The following SLC26A2 variants were observed in gnomAD, a reference collection of about 807,000 sequenced individuals.
The protein encoded by SLC26A2 is solute carrier family 26 member 2.
A neutral mutation model predicts 41.1 loss-of-function variants in SLC26A2; 36 were observed. The ratio of observed to expected loss-of-function variants is 0.88; its 90% CI spans 0.67 to 1.16. The LOEUF (loss-of-function observed/expected upper bound fraction) is 1.16. Ranked by LOEUF, SLC26A2 falls within the 50% of genes most tolerant of loss-of-function variation. The pLI, the probability that SLC26A2 is intolerant of heterozygous loss-of-function variation, is 0.00. For synonymous variants in SLC26A2, 291 were observed against 311.6 expected (o/e 0.93, Z 0.70); for missense variants, 796 against 869.6 (o/e 0.92, Z 1.07).
At chr5:149,962,760 A>C (rs1754735666) in intron 1 of SLC26A2, among the ~76,000 whole-genome samples, 2 of 152,332 alleles carry the variant, frequency 1.3e-5, no homozygotes, top group Admixed American at 1.3e-4. Flanking sequence ...TGGTTTTGGC[A>C]TGTGGGGGCG....
At chr5:149,971,844 T>C (rs1754911546) in intron 1 of SLC26A2, among the ~76,000 whole-genome samples, 1 of 152,218 alleles carries the variant, frequency 6.6e-6, no homozygotes, top group Non-Finnish European at 1.5e-5. Context: ...ATGAGTGATA[T>C]AGTAAGTGAC....
intron 1 of SLC26A2, among the ~76,000 whole-genome samples, chr5:149,963,302 C>CA (rs1561810098): frequency 2.1e-5 from 3 of 145,730 alleles, no homozygotes; most frequent in African/African-American, 7.7e-5. Context: ...TTTTTTGAGA[C>CA]AGAGTCTCAC....
intron 1 of SLC26A2, among the ~76,000 whole-genome samples, chr5:149,967,957 A>G (rs1581226641): frequency 6.7e-6 from 1 of 148,298 alleles, no homozygotes; most frequent in South Asian, 2.1e-4. Flanking sequence ...AGAATCATAC[A>G]ATACTTGTCC....
rs1385924326 is a variant in SLC26A2 at position 149,980,985 on chromosome 5, TTTG to T, written c.1396_1398del (p.Leu466del). The T allele has an allele frequency of 6.2e-7, 1 of 1,614,144 alleles. No individual in the cohort carries two copies. Among genetic ancestry groups the T allele is most frequent in the African/African-American group, 1.3e-5 (1 of 75,060 alleles). On this transcript the variant is annotated inframe_deletion, in exon 3 of 3. Coordinates refer to ENST00000286298, the MANE Select transcript of SLC26A2 (RefSeq NM_000112.4). ...CTGGTGTGGTAACAGCCCTGGTTCT[TTTG>T]TTGGTCCTCCTAGTAATAGCTCCTT... is the stretch of plus-strand genomic sequence containing the variant.
rs1455118050 is a variant in SLC26A2, at chr5:149,986,388, T to C, written c.*4575T>C. 2 of 152,128 alleles carry C rather than the reference T, an allele frequency of 1.3e-5. No individual in the cohort carries two copies. Among genetic ancestry groups the C allele is most frequent in the African/African-American group, 4.8e-5 (2 of 41,428 alleles). The allele number at this position is 152,128 out of a possible 1,614,324, so 9.4% of individuals were successfully genotyped here. A position where few individuals can be genotyped will look rare whatever the true frequency, so the allele number is the denominator to read the frequency against. Reference sequence around the variant, plus strand: ...ACAAAATAATATACCAGCTGGTTTGTTATTATAGTCCGTGTATTAAAATAC... The same window carrying C: ...ACAAAATAATATACCAGCTGGTTTGCTATTATAGTCCGTGTATTAAAATAC... On this transcript the variant is annotated 3_prime_UTR_variant, in exon 3 of 3. Transcript: ENST00000286298.
chr5:149,976,618 G>T (rs575709939), intron 1 of SLC26A2, among the ~76,000 whole-genome samples: 1 of 152,022 alleles, frequency 6.6e-6, no homozygotes, highest in South Asian at 2.1e-4. Flanking sequence ...CTCTTACTCC[G>T]GTTATTAGAC....
At chr5:149,966,290 T>C (rs1754803930) in intron 1 of SLC26A2, among the ~76,000 whole-genome samples, 1 of 152,242 alleles carries the variant, frequency 6.6e-6, no homozygotes, top group Non-Finnish European at 1.5e-5. Context: ...TCAGGAAAAC[T>C]ACCACTTAAT....
At position 149,978,110 on chromosome 5, in the gene SLC26A2, T is replaced by C; in HGVS notation, c.458T>C (p.Leu153Pro). 6.2e-7 allele frequency: 1 copy of C among 1,602,834 alleles called. No individual in the cohort carries two copies. The highest frequency in any genetic ancestry group is 8.5e-7 in the Non-Finnish European group (1 of 1,173,758). The change falls in exon 2 of 3, where the codon CTC (leucine) becomes CCC (proline). Residue 153 changes from leucine (L) to proline (P), a missense_variant. By Grantham distance (98) the Leu-to-Pro change is moderately conservative (BLOSUM62 -3). Coordinates refer to ENST00000286298, the MANE Select transcript of SLC26A2 (RefSeq NM_000112.4). Reference sequence around the variant, plus strand: ...TTTTTTGCCAGCATCATTTATTTTCTCTTGGGTACCTCCCGTCACATCTCT... The same window carrying C: ...TTTTTTGCCAGCATCATTTATTTTCCCTTGGGTACCTCCCGTCACATCTCT... The part of the protein sequence containing the change: ...TSFFASIIYF[L>P]LGTSRHISVG...
Position 149,977,612 on chromosome 5 carries a change from A to G in SLC26A2, c.-25-16A>G. ...AATTACTTTATTGATGAACACTGGT[A>G]TTTTCTCTGGTGTAGGAAGCTGAAC... On this transcript the variant is annotated splice_polypyrimidine_tract_variant and intron_variant, in intron 1 of 2. Coordinates refer to ENST00000286298, the MANE Select transcript of SLC26A2 (RefSeq NM_000112.4). The G allele has an allele frequency of 1.6e-6, 2 of 1,277,088 alleles. No homozygotes were observed. Among genetic ancestry groups the G allele is most frequent in the East Asian group, 2.3e-5 (1 of 43,214 alleles). 79.1% of individuals were successfully genotyped at this position (1,277,088 alleles called of 1,614,324 possible). A position where few individuals can be genotyped will look rare whatever the true frequency, so the allele number is the denominator to read the frequency against.
chr5:149,971,795 A>G (rs961658918), intron 1 of SLC26A2, among the ~76,000 whole-genome samples: 4 of 152,248 alleles, frequency 2.6e-5, no homozygotes, highest in African/African-American at 9.6e-5. Flanking sequence ...GAATGAAATA[A>G]TATAACATCA....
At position 149,986,745 on chromosome 5, in the gene SLC26A2, A is replaced by G. The variant is rs1428488131; in HGVS notation, c.*4932A>G. ...TTGTAGATACTATGTTTGTAAGTCT[A>G]TAGCTAAGCAACTTAAGCCAAAAAG... On this transcript the variant is annotated 3_prime_UTR_variant, in exon 3 of 3. Transcript: ENST00000286298. The G allele has an allele frequency of 6.6e-6, 1 of 152,242 alleles. No individual in the cohort carries two copies. The highest frequency in any genetic ancestry group is 2.1e-4 in the South Asian group (1 of 4,836). 9.4% of individuals were successfully genotyped at this position (152,242 alleles called of 1,614,324 possible).
intron 1 of SLC26A2, among the ~76,000 whole-genome samples, chr5:149,967,977 C>CTT (rs766792282): frequency 5.7e-5 from 8 of 141,058 alleles, no homozygotes; most frequent in African/African-American, 2.1e-4. Context: ...CTTTTGTGTC[C>CTT]TTTTTTTTTT....
intron 1 of SLC26A2, among the ~76,000 whole-genome samples, chr5:149,972,157 T>C (rs1455893665): frequency 6.6e-6 from 1 of 152,238 alleles, no homozygotes; most frequent in Non-Finnish European, 1.5e-5. Context: ...CTTGAAAACT[T>C]TCTAAACAAA....
At chr5:149,963,933 T>C (rs753315816) in intron 1 of SLC26A2, among the ~76,000 whole-genome samples, 3 of 151,886 alleles carry the variant, frequency 2.0e-5, no homozygotes, top group Non-Finnish European at 4.4e-5. Flanking sequence ...TAAGGTGTCA[T>C]TTGAGGTTGG....
chr5:149,978,308 T>TTATG lies in SLC26A2; in HGVS notation c.657_660dup (p.Val221TyrfsTer62). On this transcript the variant is annotated frameshift_variant, in exon 2 of 3. Transcript: ENST00000286298. LOFTEE classifies it high-confidence loss of function. ...ATATGTGACAAAAGTTGCTATGCAATTATGGTTGGCAGCACTGTAACCTTT... is the reference window on the plus strand; with the variant it reads ...ATATGTGACAAAAGTTGCTATGCAATTATGTATGGTTGGCAGCACTGTAACCTTT... 1 of 1,613,872 alleles carries TTATG rather than the reference T, an allele frequency of 6.2e-7. No homozygotes were observed. Among genetic ancestry groups the TTATG allele is most frequent in the Non-Finnish European group, 8.5e-7 (1 of 1,179,982 alleles).
In SLC26A2 at chr5:149,963,082, ATATTTATTTATTTATT is replaced by A. The variant is rs141212500; in HGVS notation, c.-26+2129_-26+2144del. On this transcript the variant is annotated intron_variant, in intron 1 of 2. Transcript: ENST00000286298. Reference sequence around the variant, plus strand: ...AAATGGCAGCAATGGCAGTGGTGCTATATTTATTTATTTATTTATTTATTTATTTATTTATTTATTT... The same window carrying A: ...AAATGGCAGCAATGGCAGTGGTGCTATATTTATTTATTTATTTATTTATTT... 2.7e-4 allele frequency among the ~76,000 whole-genome samples: 37 copies of A among 138,130 alleles called. No individual in the cohort carries two copies. The South Asian group carries it at 5.2e-3, about 19-fold the overall frequency. 90.6% of individuals were successfully genotyped at this position (138,130 alleles called of 152,430 possible). A position where few individuals can be genotyped will look rare whatever the true frequency, so the allele number is the denominator to read the frequency against.
intron 2 of SLC26A2, 33 bp downstream of exon 2, chr5:149,978,384 G>A: frequency 6.7e-7 from 1 of 1,489,688 alleles, no homozygotes; most frequent in Non-Finnish European, 9.3e-7. Flanking sequence ...GTTATTTCTA[G>A]AAAAGTAATC....
rs1369717320 is a variant in SLC26A2 at position 149,981,187 on chromosome 5, C to T, written c.1594C>T (p.Leu532Phe). 14 of 1,614,130 alleles carry T rather than the reference C, an allele frequency of 8.7e-6. No individual in the cohort carries two copies. Among genetic ancestry groups the T allele is most frequent in the Non-Finnish European group, 1.0e-5 (12 of 1,180,012 alleles). ...SALLSTEIGL[L>F]VGVCFSIFCV... ...ACTGCTAAGTACTGAAATAGGCCTA[C>T]TTGTTGGGGTTTGTTTTTCTATATT... Residue 532 changes from leucine to phenylalanine, a missense_variant, in exon 3 of 3, where the codon CTT becomes TTT. Transcript: ENST00000286298.
rs939064506 is a variant in SLC26A2, at chr5:149,985,650, A to G, written c.*3837A>G. 1.3e-5 allele frequency: 2 copies of G among 152,214 alleles called. No individual in the cohort carries two copies. The highest frequency in any genetic ancestry group is 6.5e-5 in the Admixed American group (1 of 15,286). The allele number at this position is 152,214 out of a possible 1,614,324, so 9.4% of individuals were successfully genotyped here. A position where few individuals can be genotyped will look rare whatever the true frequency, so the allele number is the denominator to read the frequency against. On this transcript the variant is annotated 3_prime_UTR_variant, in exon 3 of 3. Coordinates refer to ENST00000286298, the MANE Select transcript of SLC26A2 (RefSeq NM_000112.4). ...CTTGGTAACTTAAACTGAGTCTTGA[A>G]GTTATAATGATCCATTCGAGTTCTG...
Sources: gnomAD v4.1 joint callset for allele counts (sites outside exome capture counted in the v4.1 genomes callset) on GRCh38, gnomAD v4.1.1 for gene constraint, MANE v1.5 for transcripts, NCBI Gene and HGNC (gene_info 2026-07-23, HGNC 2026-07-21) for gene names.